SV2B: variants seen among roughly 807,000 people sequenced by gnomAD.
SV2B encodes the protein synaptic vesicle glycoprotein 2B.
SV2B carries 41 observed loss-of-function variants against 73.9 expected under a neutral mutation model. The observed-to-expected ratio is 0.56, with a 90% confidence interval of 0.43 to 0.72. The LOEUF (loss-of-function observed/expected upper bound fraction) is 0.72. Among genes scored for constraint, SV2B ranks in the 30% least tolerant of loss-of-function variants. SV2B has a pLI of 0.00. For synonymous variants in SV2B, 314 were observed against 314.2 expected (o/e 1.00, Z 0.01); for missense variants, 764 against 857.8 (o/e 0.89, Z 1.37).
intron 1 of SV2B, among the ~76,000 whole-genome samples, chr15:91,200,002 ACTAT>A (rs2045403673): frequency 1.3e-5 from 2 of 152,310 alleles, no homozygotes; most frequent in African/African-American, 2.4e-5. Flanking sequence ...TTTCTTCTGA[ACTAT>A]CTGTTACCAC....
At chr15:91,168,329 A>AGT (rs1555476053) in intron 1 of SV2B, among the ~76,000 whole-genome samples, 12 of 151,886 alleles carry the variant, frequency 7.9e-5, no homozygotes, top group Non-Finnish European at 1.3e-4. Flanking sequence ...AGAGAGAGAG[A>AGT]GAAAAGAAAT....
chr15:91,190,966 CTTTA>C (rs2044988773), intron 1 of SV2B, among the ~76,000 whole-genome samples: 1 of 149,676 alleles, frequency 6.7e-6, no homozygotes, highest in Non-Finnish European at 1.5e-5. Context: ...TTTTGTCTAC[CTTTA>C]TTTATCATAC....
At position 91,258,923 on chromosome 15, in the gene SV2B, CAAA is replaced by C. The variant is rs3082222; in HGVS notation, c.918+386_918+388del. Among the ~76,000 whole-genome samples, 627 of 89,180 alleles carry C rather than the reference CAAA, an allele frequency of 7.0e-3. 8 individuals carry two copies. The highest frequency in any genetic ancestry group is 0.02 in the African/African-American group (558 of 27,630). The allele number at this position is 89,180 out of a possible 152,430, so 58.5% of individuals were successfully genotyped here. On this transcript the variant is annotated intron_variant, in intron 5 of 12. Transcript: ENST00000394232. The surrounding 1 kb of genome is among the most constrained non-coding windows in gnomAD (Gnocchi z 4.7). ...GCTACACAGGGAGACCTCATCTCTA[CAAA>C]AAAAAAAAAAAAAAAATTAGTTGAG...
intron 1 of SV2B, among the ~76,000 whole-genome samples, chr15:91,211,120 A>G (rs16945362): frequency 0.038 from 5,737 of 152,316 alleles, 371 homozygotes; most frequent in African/African-American, 0.13. Flanking sequence ...GGCCAAATCA[A>G]CGGCAGTAGT....
rs2049317691 is a variant in SV2B, at chr15:91,298,166, C to T, written c.*5614C>T. ...AGCCTCCTCCTTTAGACAAGGAAGA[C>T]AGAGTGGAGCAAATTTCTCTACATA... On this transcript the variant is annotated 3_prime_UTR_variant, in exon 13 of 13. Transcript: ENST00000394232. The surrounding 1 kb of genome is among the most constrained non-coding windows in gnomAD (Gnocchi z 5.4). 7 of 152,212 alleles carry T rather than the reference C, an allele frequency of 4.6e-5. No homozygotes were observed. The highest frequency in any genetic ancestry group is 3.9e-4 in the Admixed American group (6 of 15,280). The allele number at this position is 152,212 out of a possible 1,614,324, so 9.4% of individuals were successfully genotyped here.
Position 91,252,241 on chromosome 15 carries a change from C to A in SV2B, c.633-128C>A. 1 of 1,312,642 alleles carries A rather than the reference C, an allele frequency of 7.6e-7. No individual in the cohort carries two copies. The highest frequency in any genetic ancestry group is 1.0e-6 in the Non-Finnish European group (1 of 959,110). 81.3% of individuals were successfully genotyped at this position (1,312,642 alleles called of 1,614,324 possible). Reference sequence around the variant, plus strand: ...CCACATGTAGAGAGGAACTAACTGGCCGGTCTCTCAAATTCACTGGGTCCT... The same window carrying A: ...CCACATGTAGAGAGGAACTAACTGGACGGTCTCTCAAATTCACTGGGTCCT... On this transcript the variant is annotated intron_variant, in intron 3 of 12. Coordinates refer to ENST00000394232, the MANE Select transcript of SV2B (RefSeq NM_001323032.3). This position sits in a 1 kb window ranked among gnomAD's most constrained non-coding sequence, Gnocchi z 4.6.
At chr15:91,134,004 C>CTTTTT (rs10637206) in intron 1 of SV2B, among the ~76,000 whole-genome samples, 9 of 106,220 alleles carry the variant, frequency 8.5e-5, no homozygotes, top group African/African-American at 2.4e-4. Flanking sequence ...TTCTTTCTTC[C>CTTTTT]TTTTTTTTTT....
intron 1 of SV2B, among the ~76,000 whole-genome samples, chr15:91,131,044 T>C (rs1277017417): frequency 1.3e-5 from 2 of 149,486 alleles, no homozygotes; most frequent in African/African-American, 5.0e-5. Context: ...AGGGAGTGGG[T>C]GAAGTTGGGA....
At position 91,292,674 on chromosome 15, in the gene SV2B, T is replaced by C; in HGVS notation, c.*122T>C. On this transcript the variant is annotated 3_prime_UTR_variant, in exon 13 of 13. Coordinates refer to ENST00000394232, the MANE Select transcript of SV2B (RefSeq NM_001323032.3). ...ATAGCACGGGAGGAGAAGTTGACTT[T>C]GTGACCCCTAGTTTAGGACCCACTT... is the stretch of plus-strand genomic sequence containing the variant. 8.0e-7 allele frequency: 1 copy of C among 1,252,372 alleles called. No individual in the cohort carries two copies. Among genetic ancestry groups the C allele is most frequent in the Non-Finnish European group, 1.1e-6 (1 of 925,974 alleles). 77.6% of individuals were successfully genotyped at this position (1,252,372 alleles called of 1,614,324 possible).
rs577515403 is a variant in SV2B, at chr15:91,120,587, G to A, written c.-392+20224G>A. On this transcript the variant is annotated intron_variant, in intron 1 of 12. Transcript: ENST00000394232. ...TCAGCAGTTTGGGAGGCTGAGGCAG[G>A]CAGATCCCTTGAGCCCGAAAGTTGG... Among the ~76,000 whole-genome samples, 3 of 152,176 alleles carry A rather than the reference G, an allele frequency of 2.0e-5. No individual in the cohort carries two copies. The South Asian group carries it at 6.2e-4, about 32-fold the overall frequency.
rs138800171 is a variant in SV2B at position 91,204,685 on chromosome 15, G to T, written c.-391-21188G>T. ...TGATCCTCCCACCTCAGCCTCCTGA[G>T]TAGCTGAGACTACAGACATGAGTCA... On this transcript the variant is annotated intron_variant, in intron 1 of 12. Transcript: ENST00000394232. 1.0e-3 allele frequency among the ~76,000 whole-genome samples: 152 copies of T among 151,530 alleles called. 2 individuals are homozygous for T. The highest frequency in any genetic ancestry group is 3.5e-3 in the African/African-American group (143 of 41,282).
In SV2B at chr15:91,124,071, A is replaced by C. The variant is rs1302107106; in HGVS notation, c.-392+23708A>C. 6.6e-6 allele frequency among the ~76,000 whole-genome samples: 1 copy of C among 152,168 alleles called. No homozygotes were observed. The highest frequency in any genetic ancestry group is 1.5e-5 in the Non-Finnish European group (1 of 68,034). ...TCCATGTCACCTTGTTGCACTCCTC[A>C]TTATGGGAAAATCATCCTGGGTAAA... On this transcript the variant is annotated intron_variant, in intron 1 of 12. Coordinates refer to ENST00000394232, the MANE Select transcript of SV2B (RefSeq NM_001323032.3). This position sits in a 1 kb window ranked among gnomAD's most constrained non-coding sequence, Gnocchi z 4.6.
chr15:91,147,114 T>C (rs1031061777), intron 1 of SV2B, among the ~76,000 whole-genome samples: 3 of 152,240 alleles, frequency 2.0e-5, no homozygotes, highest in African/African-American at 7.2e-5. Context: ...TCATATTTAT[T>C]GAAAGACCAA....
chr15:91,262,610 C>T (rs1046504471), intron 6 of SV2B, among the ~76,000 whole-genome samples: 19 of 152,086 alleles, frequency 1.2e-4, no homozygotes, highest in African/African-American at 4.1e-4. Context: ...CCTTCCTCCT[C>T]CCACCCTCCA....
At chr15:91,125,651 T>C (rs2042455792) in intron 1 of SV2B, among the ~76,000 whole-genome samples, 1 of 151,708 alleles carries the variant, frequency 6.6e-6, no homozygotes, top group African/African-American at 2.4e-5. Context: ...GGTGCACGCC[T>C]GTAGTCCCAG....
chr15:91,212,073 G>A (rs1440721169), intron 1 of SV2B, among the ~76,000 whole-genome samples: 1 of 152,186 alleles, frequency 6.6e-6, no homozygotes, highest in Admixed American at 6.5e-5. Flanking sequence ...AGATTGAAGT[G>A]CATCAGAAAT....
In SV2B at chr15:91,295,569, G is replaced by C. The variant is rs899425426; in HGVS notation, c.*3017G>C. The C allele has an allele frequency of 6.6e-6, 1 of 152,132 alleles. No individual in the cohort carries two copies. The highest frequency in any genetic ancestry group is 1.9e-4 in the East Asian group (1 of 5,200). 9.4% of individuals were successfully genotyped at this position (152,132 alleles called of 1,614,324 possible). Reference sequence around the variant, plus strand: ...TTGAGAGGTTAAACGATGTGGCCCAGATTACATGTAATGTGAGGAGTGGGC... The same window carrying C: ...TTGAGAGGTTAAACGATGTGGCCCACATTACATGTAATGTGAGGAGTGGGC... On this transcript the variant is annotated 3_prime_UTR_variant, in exon 13 of 13. Coordinates refer to ENST00000394232, the MANE Select transcript of SV2B (RefSeq NM_001323032.3).
chr15:91,192,323 G>C (rs1373241618), intron 1 of SV2B, among the ~76,000 whole-genome samples: 2 of 152,236 alleles, frequency 1.3e-5, no homozygotes, highest in Non-Finnish European at 2.9e-5. Context: ...TTATAAATTT[G>C]GCTGACATAC....
In SV2B at chr15:91,258,089, TG is replaced by T. The variant is rs1171480701; in HGVS notation, c.785-331del. Among the ~76,000 whole-genome samples the T allele has an allele frequency of 1.3e-5, 2 of 152,220 alleles. No homozygotes were observed. Among genetic ancestry groups the T allele is most frequent in the Non-Finnish European group, 2.9e-5 (2 of 68,032 alleles). Reference sequence around the variant, plus strand: ...ATGATTCTGTAGAGATACGGGCTATTGTTTCTGTTTGTACTCTTATCCGAGG... The same window carrying T: ...ATGATTCTGTAGAGATACGGGCTATTTTTCTGTTTGTACTCTTATCCGAGG... On this transcript the variant is annotated intron_variant, in intron 4 of 12. Coordinates refer to ENST00000394232, the MANE Select transcript of SV2B (RefSeq NM_001323032.3). The surrounding 1 kb of genome is among the most constrained non-coding windows in gnomAD (Gnocchi z 4.7).
Sources: gnomAD v4.1 joint callset for allele counts (sites outside exome capture counted in the v4.1 genomes callset) on GRCh38, gnomAD v4.1.1 for gene constraint, Gnocchi (gnomAD v3.1) non-coding constraint, MANE v1.5 for transcripts, NCBI Gene and HGNC (gene_info 2026-07-23, HGNC 2026-07-21) for gene names.